Variants in NALF1 observed in about 807,000 individuals in gnomAD.
The protein encoded by NALF1 is NALCN channel auxiliary factor 1.
NALF1 carries 3 observed loss-of-function variants against 48.4 expected under a neutral mutation model. The ratio of observed to expected loss-of-function variants is 0.06; its 90% confidence interval spans 0.03 to 0.16. The LOEUF (loss-of-function observed/expected upper bound fraction) is 0.16. Ranked by LOEUF, NALF1 falls within the 10% of genes least tolerant of loss-of-function variation. The probability of loss-of-function intolerance (pLI) is 1.00; values close to 1 mark genes in which losing one functional copy is unlikely to be tolerated. For synonymous variants in NALF1, 262 were observed against 245.7 expected (o/e 1.07, Z -0.62); for missense variants, 526 against 571.5 (o/e 0.92, Z 0.81).
rs1304365974 is a variant in NALF1, at chr13:107,166,929, T to G, written c.*3568A>C. The G allele has an allele frequency of 6.6e-6, 1 of 152,238 alleles. No homozygotes were observed. Among genetic ancestry groups the G allele is most frequent in the Non-Finnish European group, 1.5e-5 (1 of 68,038 alleles). 9.4% of individuals were successfully genotyped at this position (152,238 alleles called of 1,614,324 possible). The stretch of plus-strand genomic sequence containing the variant: ...AATTACTTTTTGTAATGATGCCATT[T>G]AAAAGAACAACTTTCACTTACTGCC... On this transcript the variant is annotated 3_prime_UTR_variant, in exon 3 of 3. Coordinates refer to ENST00000375915, the MANE Select transcript of NALF1 (RefSeq NM_001080396.3).
intron 1 of NALF1, among the ~76,000 whole-genome samples, chr13:107,354,914 T>A (rs910462432): frequency 6.6e-6 from 1 of 152,056 alleles, no homozygotes; most frequent in Non-Finnish European, 1.5e-5. Context: ...GTAGAAGACA[T>A]GAGAATGAGA....
At chr13:107,425,211 T>C (rs1409082286) in intron 1 of NALF1, among the ~76,000 whole-genome samples, 1 of 152,192 alleles carries the variant, frequency 6.6e-6, no homozygotes, top group Non-Finnish European at 1.5e-5. Flanking sequence ...TGAAGCAATA[T>C]GCAAAACCAC....
intron 1 of NALF1, among the ~76,000 whole-genome samples, chr13:107,681,888 TTCC>T (rs1272060857): frequency 6.6e-6 from 1 of 152,164 alleles, no homozygotes; most frequent in South Asian, 2.1e-4. Context: ...GGCCTCGTTA[TTCC>T]TCCTCCTCTC....
At chr13:107,474,203 C>T (rs114841334) in intron 1 of NALF1, among the ~76,000 whole-genome samples, 1,820 of 152,136 alleles carry the variant, frequency 0.012, 32 homozygotes, top group African/African-American at 0.036. Context: ...AACTCAAATC[C>T]CTAACATTGT....
chr13:107,463,582 C>T (rs1467208237), intron 1 of NALF1, among the ~76,000 whole-genome samples: 1 of 152,214 alleles, frequency 6.6e-6, no homozygotes, highest in East Asian at 1.9e-4. Context: ...AACTGAGAAG[C>T]ATGAGAGTGA....
At chr13:107,573,471 T>A (rs911218931) in intron 1 of NALF1, among the ~76,000 whole-genome samples, 1 of 152,142 alleles carries the variant, frequency 6.6e-6, no homozygotes, top group Admixed American at 6.5e-5. Flanking sequence ...TTTACCAATG[T>A]TCTCAGCTAA....
chr13:107,701,733 T>C (rs1000400878), intron 1 of NALF1, among the ~76,000 whole-genome samples: 17 of 152,332 alleles, frequency 1.1e-4, no homozygotes, highest in Admixed American at 7.8e-4. Context: ...AGATTTTAGC[T>C]GTCTTCTCAC....
intron 1 of NALF1, among the ~76,000 whole-genome samples, chr13:107,327,316 C>G (rs918630857): frequency 6.6e-6 from 1 of 152,156 alleles, no homozygotes; most frequent in Non-Finnish European, 1.5e-5. Flanking sequence ...CCTTGGCCTG[C>G]TGACTTGTAA....
At chr13:107,681,403 C>A (rs1467177698) in intron 1 of NALF1, among the ~76,000 whole-genome samples, 1 of 152,006 alleles carries the variant, frequency 6.6e-6, no homozygotes, top group Non-Finnish European at 1.5e-5. Context: ...GGCTGGAGGA[C>A]GGGCTGCCTG....
At chr13:107,202,354 A>T (rs1178634595) in intron 2 of NALF1, among the ~76,000 whole-genome samples, 1 of 149,486 alleles carries the variant, frequency 6.7e-6, no homozygotes, top group African/African-American at 2.4e-5. Context: ...AAATTATATA[A>T]ATATATGTTG....
intron 1 of NALF1, among the ~76,000 whole-genome samples, chr13:107,676,441 G>A (rs1881125228): frequency 6.6e-6 from 1 of 152,052 alleles, no homozygotes; most frequent in Non-Finnish European, 1.5e-5. Flanking sequence ...AAAAATATGT[G>A]GCATATTTGG....
intron 1 of NALF1, among the ~76,000 whole-genome samples, chr13:107,429,357 A>G (rs570213089): frequency 6.6e-6 from 1 of 152,226 alleles, no homozygotes; most frequent in South Asian, 2.1e-4. Context: ...CAGTCAAAAT[A>G]GTTCCATGTG....
intron 1 of NALF1, among the ~76,000 whole-genome samples, chr13:107,608,937 C>T (rs73595237): frequency 0.034 from 5,102 of 152,252 alleles, 177 homozygotes; most frequent in African/African-American, 0.094. Flanking sequence ...CTGGGCCGGG[C>T]ACCAGGGATG....
At chr13:107,721,959 A>G (rs1163802053) in intron 1 of NALF1, among the ~76,000 whole-genome samples, 1 of 152,200 alleles carries the variant, frequency 6.6e-6, no homozygotes, top group Non-Finnish European at 1.5e-5. Flanking sequence ...CTAGTGATAA[A>G]TAAGAAACAT....
intron 1 of NALF1, among the ~76,000 whole-genome samples, chr13:107,536,923 C>G (rs1204260814): frequency 2.0e-5 from 3 of 152,114 alleles, no homozygotes; most frequent in Admixed American, 6.6e-5. Flanking sequence ...AGTTCATGTC[C>G]TTTGTAGGGA....
rs372795512 is a variant in NALF1, at chr13:107,163,521, C to T, written c.*6976G>A. On this transcript the variant is annotated 3_prime_UTR_variant, in exon 3 of 3. Transcript: ENST00000375915. The stretch of plus-strand genomic sequence containing the variant: ...AGGCGTAAACAAACTTTAGCAGTGG[C>T]CTCTATATCTTTTTAATATTTGTAT... 5.4e-4 allele frequency: 82 copies of T among 152,232 alleles called. No individual in the cohort carries two copies. The highest frequency in any genetic ancestry group is 2.0e-3 in the African/African-American group (81 of 41,538). The allele number at this position is 152,232 out of a possible 1,614,324, so 9.4% of individuals were successfully genotyped here. A position where few individuals can be genotyped will look rare whatever the true frequency, so the allele number is the denominator to read the frequency against.
chr13:107,501,536 C>T (rs1300716129), intron 1 of NALF1, among the ~76,000 whole-genome samples: 3 of 152,142 alleles, frequency 2.0e-5, no homozygotes, highest in African/African-American at 4.8e-5. Flanking sequence ...TTCACAGTGT[C>T]AAACATGTCA....
chr13:107,491,590 G>A (rs941488672), intron 1 of NALF1, among the ~76,000 whole-genome samples: 3 of 152,098 alleles, frequency 2.0e-5, no homozygotes, highest in Admixed American at 6.6e-5. Context: ...AACTACGGAA[G>A]CAGAAGTAAT....
At chr13:107,347,241 A>G (rs2138941104) in intron 1 of NALF1, among the ~76,000 whole-genome samples, 1 of 152,304 alleles carries the variant, frequency 6.6e-6, no homozygotes, top group East Asian at 1.9e-4. Flanking sequence ...ATTCTGCCCC[A>G]CCTGCCTTGG....
Sources: gnomAD v4.1 joint callset for allele counts (sites outside exome capture counted in the v4.1 genomes callset) on GRCh38, gnomAD v4.1.1 for gene constraint, MANE v1.5 for transcripts, NCBI Gene and HGNC (gene_info 2026-07-23, HGNC 2026-07-21) for gene names.